Variants in NTRK2 observed in about 807,000 individuals in gnomAD.
NTRK2 encodes the protein BDNF/NT-3 growth factors receptor.
NTRK2 carries 13 observed loss-of-function variants against 94.5 expected under a neutral mutation model. The observed-to-expected ratio is 0.14, with a 90% CI of 0.09 to 0.22. The LOEUF is 0.22. Among genes scored for constraint, NTRK2 ranks in the 10% least tolerant of loss-of-function variants. NTRK2 has a pLI of 1.00. For missense variants in NTRK2, 639 were observed against 1,071.2 expected, an observed-to-expected ratio of 0.60 and a Z score of 5.63; for synonymous variants, 372 against 407.4, an observed-to-expected ratio of 0.91 and a Z score of 1.05.
At chr9:84,885,197 G>A (rs775437186) in intron 14 of NTRK2, among the ~76,000 whole-genome samples, 2 of 152,174 alleles carry the variant, frequency 1.3e-5, no homozygotes, top group Non-Finnish European at 2.9e-5. Context: ...TGTGATTTAA[G>A]TAAATCAGAA....
At chr9:84,682,781 C>G (rs1171134487) in intron 2 of NTRK2, among the ~76,000 whole-genome samples, 1 of 152,190 alleles carries the variant, frequency 6.6e-6, no homozygotes, top group East Asian at 1.9e-4. Context: ...TGCTATACCC[C>G]CTCTTCTACA....
At chr9:84,858,373 A>C (rs1011026825) in intron 12 of NTRK2, among the ~76,000 whole-genome samples, 3 of 150,432 alleles carry the variant, frequency 2.0e-5, no homozygotes, top group Non-Finnish European at 4.4e-5. Context: ...TAACTGTGCG[A>C]TTTTCACTAT....
At chr9:84,989,385 A>T (rs908200926) in intron 17 of NTRK2, among the ~76,000 whole-genome samples, 5 of 152,184 alleles carry the variant, frequency 3.3e-5, no homozygotes, top group African/African-American at 1.2e-4. Context: ...TGGAATGTCT[A>T]TTTTGTTCCA....
chr9:84,873,798 C>T (rs1170840636), intron 14 of NTRK2: 2 of 1,056,594 alleles, frequency 1.9e-6, no homozygotes, highest in Non-Finnish European at 2.3e-6. Context: ...AGAGAAATAT[C>T]ACCCAAGTAT....
chr9:84,730,207 C>T (rs1446498168), intron 9 of NTRK2, among the ~76,000 whole-genome samples: 1 of 152,014 alleles, frequency 6.6e-6, no homozygotes, highest in Non-Finnish European at 1.5e-5. Flanking sequence ...TAAGTATTTA[C>T]TTAAGTGTCA....
chr9:84,941,509 C>T (rs1169640116), intron 15 of NTRK2, among the ~76,000 whole-genome samples: 2 of 152,160 alleles, frequency 1.3e-5, no homozygotes, highest in African/African-American at 4.8e-5. Context: ...TCAAACATAG[C>T]TGGAGGATTC....
At chr9:84,859,098 A>G (rs1379799489) in intron 12 of NTRK2, among the ~76,000 whole-genome samples, 1 of 152,184 alleles carries the variant, frequency 6.6e-6, no homozygotes, top group Non-Finnish European at 1.5e-5. Flanking sequence ...CACAAGTGAG[A>G]GGAATTCTTA....
rs1832959182 is a variant in NTRK2, at chr9:85,024,905, T to G, written c.*3468T>G. The G allele has an allele frequency of 4.3e-6, 1 of 232,948 alleles. No homozygotes were observed. Among genetic ancestry groups the G allele is most frequent in the South Asian group, 1.8e-4 (1 of 5,534 alleles). The allele number at this position is 232,948 out of a possible 1,614,324, so 14.4% of individuals were successfully genotyped here. A position where few individuals can be genotyped will look rare whatever the true frequency, so the allele number is the denominator to read the frequency against. On this transcript the variant is annotated 3_prime_UTR_variant, in exon 19 of 19. Coordinates refer to ENST00000277120, the MANE Select transcript of NTRK2 (RefSeq NM_006180.6). ...CGCTACCTGTGATGTTTTCATGTAT[T>G]TATGTATGTGTTATAAATACTTGAT...
At chr9:84,793,309 C>T (rs899936071) in intron 12 of NTRK2, among the ~76,000 whole-genome samples, 5 of 151,322 alleles carry the variant, frequency 3.3e-5, no homozygotes, top group African/African-American at 1.2e-4. Context: ...AAAAAAATTG[C>T]CCCAGTTAGT....
intron 17 of NTRK2, among the ~76,000 whole-genome samples, chr9:85,009,296 C>T (rs898586112): frequency 6.6e-6 from 1 of 152,202 alleles, no homozygotes; most frequent in South Asian, 2.1e-4. Flanking sequence ...CTATAAACAC[C>T]TGGGCTAGTG....
chr9:84,926,803 C>T (rs539845824), intron 14 of NTRK2, among the ~76,000 whole-genome samples: 2 of 152,322 alleles, frequency 1.3e-5, no homozygotes, highest in African/African-American at 4.8e-5. Flanking sequence ...GAAATTACAC[C>T]TATTTGTCAA....
intron 15 of NTRK2, among the ~76,000 whole-genome samples, chr9:84,939,446 T>A (rs1425673545): frequency 5.3e-5 from 8 of 152,198 alleles, no homozygotes; most frequent in Admixed American, 5.2e-4. Flanking sequence ...GAATTTTACA[T>A]GTGCCCTGGT....
chr9:84,980,411 T>C (rs569304520), intron 17 of NTRK2, among the ~76,000 whole-genome samples: 1 of 152,330 alleles, frequency 6.6e-6, no homozygotes, highest in African/African-American at 2.4e-5. Flanking sequence ...TTGAAAAATA[T>C]GAACATTATT....
intron 12 of NTRK2, among the ~76,000 whole-genome samples, chr9:84,794,285 C>T (rs996415832): frequency 6.6e-6 from 1 of 152,176 alleles, no homozygotes; most frequent in African/African-American, 2.4e-5. Context: ...GGAGCCATCA[C>T]CCGAAAATGG....
At chr9:84,944,697 G>A (rs1263864575) in intron 15 of NTRK2, among the ~76,000 whole-genome samples, 1 of 152,210 alleles carries the variant, frequency 6.6e-6, no homozygotes, top group South Asian at 2.1e-4. Context: ...CAGTCCTCTG[G>A]GAAGAAGTGG....
At chr9:84,918,382 G>C (rs1482249038) in intron 14 of NTRK2, among the ~76,000 whole-genome samples, 1 of 152,188 alleles carries the variant, frequency 6.6e-6, no homozygotes, top group Non-Finnish European at 1.5e-5. Flanking sequence ...GTCTTCACCT[G>C]CATGTCCTTG....
chr9:85,011,925 C>T (rs1022749213), intron 17 of NTRK2, among the ~76,000 whole-genome samples: 4 of 140,982 alleles, frequency 2.8e-5, no homozygotes, highest in African/African-American at 1.0e-4. Context: ...TGACCTACCC[C>T]ACAGGACTAG....
chr9:84,922,962 G>A (rs1261316308), intron 14 of NTRK2, among the ~76,000 whole-genome samples: 1 of 152,204 alleles, frequency 6.6e-6, no homozygotes, highest in East Asian at 1.9e-4. Context: ...AATAGCACAG[G>A]ACTGTGCTTT....
chr9:84,832,938 C>A (rs908575420), intron 12 of NTRK2, among the ~76,000 whole-genome samples: 1 of 152,072 alleles, frequency 6.6e-6, no homozygotes, highest in Non-Finnish European at 1.5e-5. Flanking sequence ...AGATTGGATG[C>A]GGGCACTCCT....
Sources: allele counts gnomAD v4.1 joint callset (sites outside exome capture counted in the v4.1 genomes callset), GRCh38; gene constraint gnomAD v4.1.1; transcripts MANE v1.5; gene names NCBI Gene and HGNC (gene_info 2026-07-23, HGNC 2026-07-21).